Variants in FBXL13 observed in about 807,000 individuals in gnomAD.
FBXL13 encodes F-box and leucine rich repeat protein 13, also known as F-box and leucine-rich repeat protein 13.
Under a neutral mutation model 83.6 loss-of-function variants are expected in FBXL13, and 67 were observed. That is an observed-to-expected ratio of 0.80 (90% CI 0.66 to 0.98). FBXL13 has a LOEUF of 0.98. Ranked by LOEUF, FBXL13 falls within the 50% of genes least tolerant of loss-of-function variation. The probability of loss-of-function intolerance (pLI) is 0.00; values close to 1 mark genes in which losing one functional copy is unlikely to be tolerated. For missense variants in FBXL13, 822 were observed against 866.5 expected (o/e 0.95, Z 0.64); for synonymous variants, 272 against 299.5 (o/e 0.91, Z 0.95).
intron 16 of FBXL13, among the ~76,000 whole-genome samples, chr7:102,867,691 A>T (rs1249409218): frequency 3.5e-4 from 25 of 71,602 alleles, no homozygotes; most frequent in South Asian, 8.4e-4. Flanking sequence ...ATATATATAT[A>T]TATATTTTTT....
At chr7:102,957,077 G>A (rs904894243) in intron 8 of FBXL13, among the ~76,000 whole-genome samples, 4 of 152,122 alleles carry the variant, frequency 2.6e-5, no homozygotes, top group Non-Finnish European at 5.9e-5. Flanking sequence ...GCATTGCCAA[G>A]ACAATCCTAA....
intron 6 of FBXL13, among the ~76,000 whole-genome samples, chr7:103,014,286 T>C (rs1186278940): frequency 6.6e-6 from 1 of 151,722 alleles, no homozygotes; most frequent in Non-Finnish European, 1.5e-5. Context: ...GTCTGGGAGG[T>C]TGAGGCTGCA....
intron 2 of FBXL13, among the ~76,000 whole-genome samples, chr7:103,036,189 C>T (rs1194865591): frequency 6.6e-6 from 1 of 152,160 alleles, no homozygotes; most frequent in African/African-American, 2.4e-5. Context: ...CCCACCACCC[C>T]ACCACAGTCC....
intron 6 of FBXL13, among the ~76,000 whole-genome samples, chr7:103,006,122 G>A (rs1334128044): frequency 6.6e-6 from 1 of 152,210 alleles, no homozygotes. Context: ...TTACTACTTG[G>A]GGGCGTATAT....
At position 102,878,512 on chromosome 7, in the gene FBXL13, A is replaced by G. The variant is rs529561923; in HGVS notation, c.1389-62T>C. 4 of 1,122,592 alleles carry G rather than the reference A, an allele frequency of 3.6e-6. No individual in the cohort carries two copies. In the African/African-American group the frequency reaches 6.5e-5, roughly 18 times the overall value. The allele number at this position is 1,122,592 out of a possible 1,614,324, so 69.5% of individuals were successfully genotyped here. ...ATATATAAACATATAGAATAGTATT[A>G]AAGTAATAGCTACCATACCCAATAT... On this transcript the variant is annotated intron_variant, in intron 14 of 19. Coordinates refer to ENST00000313221, the Ensembl canonical transcript of FBXL13.
intron 2 of FBXL13, among the ~76,000 whole-genome samples, chr7:103,035,559 A>T (rs1480977524): frequency 6.6e-6 from 1 of 152,208 alleles, no homozygotes; most frequent in African/African-American, 2.4e-5. Context: ...GATCCCATTA[A>T]TTTTTAATTT....
chr7:102,959,763 G>C (rs1236741391), intron 8 of FBXL13, among the ~76,000 whole-genome samples: 1 of 151,994 alleles, frequency 6.6e-6, no homozygotes, highest in Non-Finnish European at 1.5e-5. Context: ...CACAATGGAA[G>C]TACAAAGCAG....
chr7:102,944,793 C>T (rs1822167564), intron 8 of FBXL13: 2 of 546,490 alleles, frequency 3.7e-6, no homozygotes, highest in Admixed American at 3.7e-5. Context: ...ATCCTGCTTG[C>T]CTGTCCATTT....
chr7:102,962,626 T>G (rs2129479330), intron 8 of FBXL13, among the ~76,000 whole-genome samples: 1 of 152,124 alleles, frequency 6.6e-6, no homozygotes, highest in East Asian at 1.9e-4. Flanking sequence ...ATGTGGCACA[T>G]ATACACCATG....
At chr7:103,052,981 T>A (rs1038362625) in intron 2 of FBXL13, among the ~76,000 whole-genome samples, 2 of 151,822 alleles carry the variant, frequency 1.3e-5, no homozygotes, top group Admixed American at 1.3e-4. Flanking sequence ...GGTCTCAAGC[T>A]CCTGACCTCA....
chr7:102,882,441 A>G (rs1330004968), intron 14 of FBXL13, among the ~76,000 whole-genome samples: 1 of 152,060 alleles, frequency 6.6e-6, no homozygotes, highest in Admixed American at 6.6e-5. Context: ...TGAGCTACCC[A>G]CTGGGGAACA....
chr7:102,952,726 G>A (rs1179838135), intron 8 of FBXL13, among the ~76,000 whole-genome samples: 1 of 152,192 alleles, frequency 6.6e-6, no homozygotes, highest in African/African-American at 2.4e-5. Flanking sequence ...GCTCATTCCT[G>A]TAATCTCAGC....
chr7:102,991,992 C>T (rs1202624241), intron 6 of FBXL13, among the ~76,000 whole-genome samples: 1 of 152,134 alleles, frequency 6.6e-6, no homozygotes, highest in Non-Finnish European at 1.5e-5. Flanking sequence ...TCTTTCACTC[C>T]AGATACTATG....
At chr7:102,892,643 C>G (rs1162485168) in intron 11 of FBXL13, among the ~76,000 whole-genome samples, 2 of 152,104 alleles carry the variant, frequency 1.3e-5, no homozygotes, top group Non-Finnish European at 2.9e-5. Flanking sequence ...ATACTTAAAA[C>G]CACATATTTT....
At chr7:102,835,051 C>T (rs1284032937) in intron 17 of FBXL13, among the ~76,000 whole-genome samples, 2 of 152,096 alleles carry the variant, frequency 1.3e-5, no homozygotes, top group Non-Finnish European at 2.9e-5. Flanking sequence ...TAAAGATGCA[C>T]AAATGTATTG....
At chr7:102,926,316 G>A in exon 10 of FBXL13, 1 of 1,613,992 alleles carries the variant, frequency 6.2e-7, no homozygotes, top group East Asian at 2.2e-5. Flanking sequence ...AGTTGTGTTA[G>A]ACAGATTGAG....
intron 19 of FBXL13, among the ~76,000 whole-genome samples, chr7:102,814,797 T>C (rs1797766788): frequency 6.6e-6 from 1 of 152,214 alleles, no homozygotes. Flanking sequence ...TCAAAGATAA[T>C]GTTTTGCATT....
intron 17 of FBXL13, among the ~76,000 whole-genome samples, chr7:102,846,321 AAATT>A (rs1803941105): frequency 6.6e-6 from 1 of 152,184 alleles, no homozygotes; most frequent in Non-Finnish European, 1.5e-5. Context: ...CATTTTCACA[AAATT>A]AATTAATCTG....
intron 19 of FBXL13, among the ~76,000 whole-genome samples, chr7:102,818,617 C>A (rs1798342344): frequency 6.6e-6 from 1 of 152,104 alleles, no homozygotes; most frequent in Non-Finnish European, 1.5e-5. Flanking sequence ...GCAGTAGGGA[C>A]TGTCCGAGTT....
Sources: gnomAD v4.1 joint callset for allele counts (sites outside exome capture counted in the v4.1 genomes callset) on GRCh38, gnomAD v4.1.1 for gene constraint, MANE v1.5 for transcripts, NCBI Gene and HGNC (gene_info 2026-07-23, HGNC 2026-07-21) for gene names.